The following GRIK3 variants were observed in gnomAD, a reference collection of about 807,000 sequenced individuals.
The protein encoded by GRIK3 is glutamate receptor ionotropic, kainate 3.
GRIK3 carries 29 observed loss-of-function variants against 102.5 expected under a neutral mutation model. The observed-to-expected ratio is 0.28, with a 90% CI of 0.21 to 0.39. GRIK3 has a LOEUF of 0.39. Among genes scored for constraint, GRIK3 ranks in the 10% least tolerant of loss-of-function variants. The probability of loss-of-function intolerance (pLI) is 1.00; values close to 1 mark genes in which losing one functional copy is unlikely to be tolerated. For synonymous variants in GRIK3, 511 were observed against 504.9 expected (o/e 1.01, Z -0.16); for missense variants, 908 against 1,252.4 (o/e 0.73, Z 4.15).
At chr1:36,835,575 C>A (rs1429190798) in intron 10 of GRIK3, among the ~76,000 whole-genome samples, 1 of 152,232 alleles carries the variant, frequency 6.6e-6, no homozygotes, top group African/African-American at 2.4e-5. Flanking sequence ...CCTGGCATCA[C>A]AACCCCTAAT....
chr1:36,907,400 C>A (rs573398584), intron 1 of GRIK3, among the ~76,000 whole-genome samples: 14 of 152,290 alleles, frequency 9.2e-5, no homozygotes, highest in Admixed American at 4.6e-4. Context: ...GGGGGCCATG[C>A]ATTTTTCATA....
At chr1:36,937,750 G>T (rs149982049) in intron 1 of GRIK3, among the ~76,000 whole-genome samples, 4 of 152,292 alleles carry the variant, frequency 2.6e-5, no homozygotes, top group Admixed American at 1.3e-4. Context: ...GATTGCTTCA[G>T]GTTTATAATG....
chr1:36,894,220 T>C (rs1407109086), intron 1 of GRIK3, among the ~76,000 whole-genome samples: 3 of 152,216 alleles, frequency 2.0e-5, no homozygotes, highest in African/African-American at 7.2e-5. Flanking sequence ...CTTTTTGTCT[T>C]TTCTGAACAT....
At chr1:36,947,344 C>T (rs149633178) in intron 1 of GRIK3, among the ~76,000 whole-genome samples, 2,276 of 152,240 alleles carry the variant, frequency 0.015, 21 homozygotes, top group Admixed American at 0.021. Context: ...GCATCTCCCA[C>T]CTGGACCACT....
At chr1:36,824,481 A>G (rs990420379) in intron 11 of GRIK3, among the ~76,000 whole-genome samples, 8 of 152,110 alleles carry the variant, frequency 5.3e-5, no homozygotes, top group Non-Finnish European at 7.4e-5. Flanking sequence ...GGGACATTTC[A>G]TCACTCACAG....
rs114891577 is a variant in GRIK3 at position 36,867,086 on chromosome 1, A to G, written c.786+2662T>C. 2.9e-3 allele frequency among the ~76,000 whole-genome samples: 438 copies of G among 152,334 alleles called. 3 individuals are homozygous for G. Among genetic ancestry groups the G allele is most frequent in the African/African-American group, 0.01 (423 of 41,580 alleles). On this transcript the variant is annotated intron_variant, in intron 5 of 15. Transcript: ENST00000373091. ...CCAGGACCTTGGAGAGCATTTGTAT[A>G]TGGCTGCTGGATAAATGAATCAATG...
intron 1 of GRIK3, among the ~76,000 whole-genome samples, chr1:36,892,143 C>G (rs1159727342): frequency 1.3e-5 from 2 of 152,188 alleles, no homozygotes; most frequent in African/African-American, 2.4e-5. Context: ...CTCAGTCTCT[C>G]AAGTTGCTGG....
intron 3 of GRIK3, among the ~76,000 whole-genome samples, chr1:36,879,082 A>T (rs1640938530): frequency 6.6e-6 from 1 of 151,732 alleles, no homozygotes; most frequent in African/African-American, 2.4e-5. Context: ...TCTTTTTGTG[A>T]CTTATGGCAG....
Position 36,880,778 on chromosome 1 carries a change from G to A in GRIK3, c.406C>T (p.Arg136Cys), listed in dbSNP as rs1640965531. 6.2e-7 allele frequency: 1 copy of A among 1,614,012 alleles called. No individual in the cohort carries two copies. The highest frequency in any genetic ancestry group is 8.5e-7 in the Non-Finnish European group (1 of 1,179,974). ...NALEVPHIQL[R>C]WKHHPLDNKD... is the part of the protein sequence containing the mutation. ...TTGTCCAGCGGGTGGTGCTTCCAACGCAGCTGGATGTGGGGCACCTCCAGG... is the reference window on the plus strand; with the variant it reads ...TTGTCCAGCGGGTGGTGCTTCCAACACAGCTGGATGTGGGGCACCTCCAGG... The change falls in exon 3 of 16, where the codon CGT becomes TGT. Residue 136 changes from arginine to cysteine, a missense_variant. Physicochemically the swap from Arg to Cys is radical, Grantham distance 180. Around this residue, in one of 3 missense-constraint regions of GRIK3, gnomAD observed 585 missense variants for 824.9 expected, o/e 0.71. Transcript: ENST00000373091. This position sits in a 1 kb window ranked among gnomAD's most constrained non-coding sequence, Gnocchi z 5.4.
At chr1:36,921,045 G>A (rs1557427002) in intron 1 of GRIK3, among the ~76,000 whole-genome samples, 1 of 152,220 alleles carries the variant, frequency 6.6e-6, no homozygotes, top group Non-Finnish European at 1.5e-5. Flanking sequence ...GTGGAGAGTG[G>A]GCATGGCGGG....
At chr1:37,026,743 G>C (rs1642768287) in intron 1 of GRIK3, among the ~76,000 whole-genome samples, 1 of 152,072 alleles carries the variant, frequency 6.6e-6, no homozygotes, top group Admixed American at 6.5e-5. Flanking sequence ...AGGTCACACA[G>C]CAAGTACACA....
intron 1 of GRIK3, among the ~76,000 whole-genome samples, chr1:37,028,437 G>A (rs542984086): frequency 2.0e-5 from 3 of 152,292 alleles, no homozygotes; most frequent in Admixed American, 1.3e-4. Context: ...ATGGAAGGAT[G>A]TGTATTGGTA....
chr1:36,870,461 T>A (rs1255871752), intron 4 of GRIK3, among the ~76,000 whole-genome samples: 1 of 152,258 alleles, frequency 6.6e-6, no homozygotes, highest in East Asian at 1.9e-4. Flanking sequence ...TAATGCATTT[T>A]CTACAGAGTT....
At chr1:36,935,155 C>T (rs374600627) in intron 1 of GRIK3, among the ~76,000 whole-genome samples, 24 of 152,338 alleles carry the variant, frequency 1.6e-4, no homozygotes, top group African/African-American at 4.6e-4. Context: ...ATGACACTCA[C>T]ATGACCTCAT....
At chr1:37,003,336 T>TAA (rs969863172) in intron 1 of GRIK3, among the ~76,000 whole-genome samples, 17 of 152,336 alleles carry the variant, frequency 1.1e-4, no homozygotes, top group African/African-American at 4.1e-4. Flanking sequence ...TTTCATTCAT[T>TAA]AAAAATTAAG....
At chr1:36,890,784 C>G in intron 2 of GRIK3, 136 bp downstream of exon 2, 3 of 606,772 alleles carry the variant, frequency 4.9e-6, no homozygotes, top group Non-Finnish European at 8.3e-6. Flanking sequence ...GGCAGTCTGG[C>G]TCCAAGCCCA....
At chr1:37,014,699 G>A (rs1346980577) in intron 1 of GRIK3, among the ~76,000 whole-genome samples, 3 of 152,162 alleles carry the variant, frequency 2.0e-5, no homozygotes, top group Admixed American at 6.5e-5. Context: ...ACACAGGTTG[G>A]GGTTAGAGAA....
intron 1 of GRIK3, among the ~76,000 whole-genome samples, chr1:36,941,271 G>A (rs530388470): frequency 1.1e-4 from 17 of 152,336 alleles, no homozygotes; most frequent in Admixed American, 7.2e-4. Flanking sequence ...CCCACTCCAA[G>A]CGCCAGACAC....
At chr1:36,860,959 A>G (rs1234710483) in intron 5 of GRIK3, among the ~76,000 whole-genome samples, 1 of 152,150 alleles carries the variant, frequency 6.6e-6, no homozygotes, top group Non-Finnish European at 1.5e-5. Context: ...CTTCATTGTC[A>G]GCTACTTGTT....
Sources: gnomAD v4.1 joint callset for allele counts (sites outside exome capture counted in the v4.1 genomes callset) on GRCh38, gnomAD v4.1.1 for gene constraint, gnomAD v4.1.1 regional missense constraint, Gnocchi (gnomAD v3.1) non-coding constraint, MANE v1.5 for transcripts, NCBI Gene and HGNC (gene_info 2026-07-23, HGNC 2026-07-21) for gene names.